The following SLC30A5 variants were observed in gnomAD, a reference collection of about 807,000 sequenced individuals.
The protein encoded by SLC30A5 is solute carrier family 30 member 5.
Under a neutral mutation model 79.6 loss-of-function variants are expected in SLC30A5, and 33 were observed. That is an observed-to-expected ratio of 0.41 (90% CI 0.31 to 0.55). The LOEUF (loss-of-function observed/expected upper bound fraction) is 0.55, where lower values mean the gene tolerates loss of function less well. Among genes scored for constraint, SLC30A5 ranks in the 20% least tolerant of loss-of-function variants. The pLI is 0.20. For missense variants in SLC30A5, 788 were observed against 928.1 expected, an observed-to-expected ratio of 0.85 and a Z score of 1.96; for synonymous variants, 299 against 319.7, an observed-to-expected ratio of 0.94 and a Z score of 0.69.
chr5:69,118,406 T>G (rs915418952), intron 11 of SLC30A5, 93 bp from the exon 12 acceptor site: 1 of 927,222 alleles, frequency 1.1e-6, no homozygotes, highest in Admixed American at 3.2e-5. Flanking sequence ...TACTTAGTAG[T>G]ATGAAAATTT....
In SLC30A5 at chr5:69,121,043, A is replaced by G. The variant is rs144225088; in HGVS notation, c.1570-651A>G. ...CATAGTGGCTCATGCCTGTAATCCC[A>G]TAATCCCAACACTTTTGGAGGCCAA... On this transcript the variant is annotated intron_variant, in intron 12 of 15. Coordinates refer to ENST00000396591, the MANE Select transcript of SLC30A5 (RefSeq NM_022902.5). 5.3e-3 allele frequency among the ~76,000 whole-genome samples: 805 copies of G among 152,322 alleles called. 9 individuals are homozygous for G. The highest frequency in any genetic ancestry group is 0.018 in the African/African-American group (748 of 41,568).
At position 69,121,708 on chromosome 5, in the gene SLC30A5, A is replaced by G; in HGVS notation, c.1584A>G (p.Gly528=). 1 of 1,608,990 alleles carries G rather than the reference A, an allele frequency of 6.2e-7. No homozygotes were observed. The highest frequency in any genetic ancestry group is 2.2e-5 in the East Asian group (1 of 44,788). The part of the protein sequence containing the change: ...DTHMLTPVSV[G]GLIVNLIGIC... ...CCTTTTGCTAGCCAGTCTCAGTTGG[A>G]GGGCTGATAGTAAACCTTATTGGTA... is the stretch of plus-strand genomic sequence containing the variant. Residue 528 remains glycine, a synonymous_variant, in exon 13 of 16, where the codon GGA becomes GGG. Coordinates refer to ENST00000396591, the MANE Select transcript of SLC30A5 (RefSeq NM_022902.5).
At chr5:69,120,792 G>T (rs889101756) in intron 12 of SLC30A5, among the ~76,000 whole-genome samples, 9 of 151,292 alleles carry the variant, frequency 5.9e-5, no homozygotes, top group African/African-American at 2.0e-4. Flanking sequence ...GTAATTAAAA[G>T]TATTTGTCCT....
chr5:69,096,162 G>A (rs1745724425), intron 1 of SLC30A5, among the ~76,000 whole-genome samples: 1 of 152,084 alleles, frequency 6.6e-6, no homozygotes. Flanking sequence ...AAGTATTTAA[G>A]GATAAAGAAG....
intron 14 of SLC30A5, among the ~76,000 whole-genome samples, chr5:69,124,908 T>C (rs1460858578): frequency 6.6e-6 from 1 of 152,186 alleles, no homozygotes; most frequent in Middle Eastern, 3.2e-3. Context: ...AGGGAAAGAC[T>C]TTTTAATATA....
intron 7 of SLC30A5, among the ~76,000 whole-genome samples, chr5:69,114,987 T>C (rs1746324760): frequency 6.6e-6 from 1 of 151,820 alleles, no homozygotes; most frequent in African/African-American, 2.4e-5. Flanking sequence ...TATGTTAGCA[T>C]GGTGTGGTGG....
rs1373419837 is a variant in SLC30A5, at chr5:69,130,676, A to G, written c.*1059A>G. ...CCCTATAACTACTTTCTATAGTCAT[A>G]TCTAATTTATATTTTTTTCATTTCC... On this transcript the variant is annotated 3_prime_UTR_variant, in exon 16 of 16. Coordinates refer to ENST00000396591, the MANE Select transcript of SLC30A5 (RefSeq NM_022902.5). 6.6e-6 allele frequency: 1 copy of G among 152,166 alleles called. No homozygotes were observed. The highest frequency in any genetic ancestry group is 1.5e-5 in the Non-Finnish European group (1 of 68,026). 9.4% of individuals were successfully genotyped at this position (152,166 alleles called of 1,614,324 possible).
In SLC30A5 at chr5:69,116,412, C is replaced by T. The variant is rs1379668143; in HGVS notation, c.1091C>T (p.Ser364Phe). ...FFILSANILSSPSKRGQKGTL... is the reference protein window; with the variant it reads ...FFILSANILSFPSKRGQKGTL... Reference sequence around the variant, plus strand: ...TTTGTAGCTGCCAATATCTTATCATCTCCCTCTAAGAGAGGACAAAAAGGT... The same window carrying T: ...TTTGTAGCTGCCAATATCTTATCATTTCCCTCTAAGAGAGGACAAAAAGGT... Residue 364 changes from serine (S) to phenylalanine (F), a missense_variant, in exon 10 of 16, where the codon TCT becomes TTT. Coordinates refer to ENST00000396591, the MANE Select transcript of SLC30A5 (RefSeq NM_022902.5). This position sits in a 1 kb window ranked among gnomAD's most constrained non-coding sequence, Gnocchi z 4.0. 4 of 1,585,490 alleles carry T rather than the reference C, an allele frequency of 2.5e-6. No homozygotes were observed. Among genetic ancestry groups the T allele is most frequent in the South Asian group, 2.3e-5 (2 of 85,730 alleles).
At position 69,125,870 on chromosome 5, in the gene SLC30A5, C is replaced by CAA. The variant is rs532994254; in HGVS notation, c.1999-2109_1999-2108dup. On this transcript the variant is annotated intron_variant, in intron 14 of 15. Transcript: ENST00000396591. The stretch of plus-strand genomic sequence containing the variant: ...CGGGCCACAGAGCGAGACTCCGTCT[C>CAA]AAAAAAAAAAAAAAAAAAAAAAAAA... Among the ~76,000 whole-genome samples, 145 of 54,178 alleles carry CAA rather than the reference C, an allele frequency of 2.7e-3. 10 individuals are homozygous for CAA. The highest frequency in any genetic ancestry group is 0.02 in the Middle Eastern group (2 of 100). 35.5% of individuals were successfully genotyped at this position (54,178 alleles called of 152,430 possible).
intron 7 of SLC30A5, 150 bp downstream of exon 7, chr5:69,114,646 A>T (rs934849344): frequency 3.3e-6 from 2 of 609,124 alleles, no homozygotes; most frequent in Admixed American, 2.8e-5. Flanking sequence ...CAGGTGGATC[A>T]CCTGAGGTCG....
intron 1 of SLC30A5, among the ~76,000 whole-genome samples, chr5:69,098,011 A>G (rs1259152807): frequency 6.6e-6 from 1 of 152,028 alleles, no homozygotes; most frequent in East Asian, 1.9e-4. Context: ...GAGGGAGGCT[A>G]ATTTTTAAAA....
chr5:69,115,166 G>GAT, intron 7 of SLC30A5, 71 bp from the exon 8 acceptor site: 1 of 595,218 alleles, frequency 1.7e-6, no homozygotes, highest in Non-Finnish European at 2.6e-6. Flanking sequence ...AAAAAAAAAA[G>GAT]ATCATGTATT....
At chr5:69,096,389 T>C (rs1166437276) in intron 1 of SLC30A5, among the ~76,000 whole-genome samples, 1 of 152,212 alleles carries the variant, frequency 6.6e-6, no homozygotes, top group East Asian at 1.9e-4. Flanking sequence ...GTAAAGAGTG[T>C]ATTGTCTCAG....
At chr5:69,123,477 A>C (rs1746591044) in intron 14 of SLC30A5, 52 bp downstream of exon 14, 1 of 1,429,740 alleles carries the variant, frequency 7.0e-7, no homozygotes, top group South Asian at 1.2e-5. Context: ...CACATTTTTG[A>C]AGTCTTTGCT....
At chr5:69,103,545 G>T (rs1745992012) in intron 3 of SLC30A5, among the ~76,000 whole-genome samples, 1 of 151,990 alleles carries the variant, frequency 6.6e-6, no homozygotes, top group African/African-American at 2.4e-5. Flanking sequence ...CCTTACTTTG[G>T]GCAAGTTACT....
intron 12 of SLC30A5, among the ~76,000 whole-genome samples, chr5:69,121,398 G>A (rs1437574523): frequency 6.6e-6 from 1 of 152,014 alleles, no homozygotes; most frequent in Non-Finnish European, 1.5e-5. Flanking sequence ...ACAAAACTTT[G>A]CATCATTTAT....
chr5:69,114,209 T>A (rs759720023), intron 6 of SLC30A5, among the ~76,000 whole-genome samples: 3 of 152,222 alleles, frequency 2.0e-5, no homozygotes, highest in Non-Finnish European at 4.4e-5. Flanking sequence ...ATACAGGCAT[T>A]CCAGTTTATA....
At chr5:69,119,758 G>A (rs1043358339) in intron 12 of SLC30A5, among the ~76,000 whole-genome samples, 1 of 151,980 alleles carries the variant, frequency 6.6e-6, no homozygotes, top group Admixed American at 6.6e-5. Flanking sequence ...AGTGGCTCAC[G>A]CCTGTAATCC....
At chr5:69,095,644 G>C (rs1038862673) in intron 1 of SLC30A5, among the ~76,000 whole-genome samples, 17 of 152,322 alleles carry the variant, frequency 1.1e-4, no homozygotes, top group Admixed American at 1.0e-3. Flanking sequence ...GTTAATTCTT[G>C]AGACATGACA....
Sources: allele counts gnomAD v4.1 joint callset (sites outside exome capture counted in the v4.1 genomes callset), GRCh38; gene constraint gnomAD v4.1.1; non-coding constraint Gnocchi (gnomAD v3.1); transcripts MANE v1.5; gene names NCBI Gene and HGNC (gene_info 2026-07-23, HGNC 2026-07-21).